The following BABAM2 variants were observed in gnomAD, a reference collection of about 807,000 sequenced individuals.
BABAM2 encodes BRISC and BRCA1 A complex member 2.
BABAM2 carries 31 observed loss-of-function variants against 54.7 expected under a neutral mutation model. That is an observed-to-expected ratio of 0.57 (90% CI 0.43 to 0.77). The LOEUF (loss-of-function observed/expected upper bound fraction) is 0.77, where lower values mean the gene tolerates loss of function less well. BABAM2 is among the 30% of genes least tolerant of loss of function. The pLI, the probability that BABAM2 is intolerant of heterozygous loss-of-function variation, is 0.00. For synonymous variants in BABAM2, 167 were observed against 162.9 expected (o/e 1.03, Z -0.19); for missense variants, 364 against 455.8 (o/e 0.80, Z 1.83).
intron 3 of BABAM2, among the ~76,000 whole-genome samples, chr2:27,939,388 GTC>G (rs1200119970): frequency 1.3e-5 from 2 of 152,122 alleles, no homozygotes; most frequent in Admixed American, 6.5e-5. Flanking sequence ...TAAATCTTTA[GTC>G]TCTAGCACAG....
chr2:28,010,578 T>C (rs1674316009), intron 4 of BABAM2, among the ~76,000 whole-genome samples: 1 of 152,142 alleles, frequency 6.6e-6, no homozygotes, highest in Admixed American at 6.5e-5. Flanking sequence ...ATAATGGTGT[T>C]GTGGTGTGTC....
At chr2:28,060,112 C>A (rs1206581445) in intron 6 of BABAM2, among the ~76,000 whole-genome samples, 1 of 152,030 alleles carries the variant, frequency 6.6e-6, no homozygotes, top group South Asian at 2.1e-4. Flanking sequence ...AAAATTTTAA[C>A]AAACTCAAAA....
chr2:28,046,964 C>T (rs1677629275), intron 6 of BABAM2, among the ~76,000 whole-genome samples: 1 of 151,942 alleles, frequency 6.6e-6, no homozygotes, highest in African/African-American at 2.4e-5. Flanking sequence ...GAAAGGGTCT[C>T]AGTGGTCCTC....
intron 6 of BABAM2, among the ~76,000 whole-genome samples, chr2:28,111,809 AG>A (rs1393462575): frequency 1.3e-5 from 2 of 152,194 alleles, no homozygotes; most frequent in African/African-American, 4.8e-5. Flanking sequence ...TTGGGTAGCA[AG>A]GCTCTAAATG....
chr2:28,273,729 A>C (rs1305396169), intron 10 of BABAM2, among the ~76,000 whole-genome samples: 1 of 152,156 alleles, frequency 6.6e-6, no homozygotes. Context: ...AAAAAAATAA[A>C]AAATAAAACA....
At chr2:28,164,545 A>G (rs1195189713) in intron 7 of BABAM2, among the ~76,000 whole-genome samples, 1 of 151,746 alleles carries the variant, frequency 6.6e-6, no homozygotes, top group Non-Finnish European at 1.5e-5. Context: ...TAAAAAAAAA[A>G]CTAAACTGTT....
At chr2:28,281,969 T>G (rs1686398425) in intron 10 of BABAM2, among the ~76,000 whole-genome samples, 1 of 152,132 alleles carries the variant, frequency 6.6e-6, no homozygotes, top group African/African-American at 2.4e-5. Context: ...TACTGACAGA[T>G]GAGACTTTCT....
In BABAM2 at chr2:28,289,485, T is replaced by A. The variant is rs549290439; in HGVS notation, c.935-8853T>A. Among the ~76,000 whole-genome samples the A allele has an allele frequency of 4.2e-4, 64 of 152,286 alleles. 1 individual carries two copies. The highest frequency in any genetic ancestry group is 1.5e-3 in the African/African-American group (63 of 41,560). On this transcript the variant is annotated intron_variant, in intron 10 of 11. Coordinates refer to ENST00000379624, the MANE Select transcript of BABAM2 (RefSeq NM_199191.3). ...TGCTGTAATTGCTTCTGAGTTTTTT[T>A]AAAAAGAAATAGCACATTGTCAGGC...
At chr2:27,924,912 A>G (rs1226479112) in intron 2 of BABAM2, among the ~76,000 whole-genome samples, 4 of 152,198 alleles carry the variant, frequency 2.6e-5, no homozygotes, top group African/African-American at 7.2e-5. Context: ...CATATCTTAA[A>G]TGATTTGCCC....
intron 4 of BABAM2, among the ~76,000 whole-genome samples, chr2:28,017,327 G>C (rs915729566): frequency 1.1e-4 from 16 of 147,152 alleles, no homozygotes; most frequent in African/African-American, 1.7e-4. Flanking sequence ...TGCTTGTTCA[G>C]TTCCAGTTTT....
intron 5 of BABAM2, among the ~76,000 whole-genome samples, chr2:28,039,779 T>C (rs1193092980): frequency 1.3e-5 from 2 of 152,254 alleles, no homozygotes; most frequent in South Asian, 4.1e-4. Flanking sequence ...ACTCAGAGTC[T>C]TGTTAGTTTA....
chr2:28,019,407 G>A (rs567166211), intron 4 of BABAM2, among the ~76,000 whole-genome samples: 10 of 151,988 alleles, frequency 6.6e-5, no homozygotes, highest in Non-Finnish European at 1.2e-4. Context: ...TTTGTCAGAT[G>A]TATAGATTGT....
At chr2:28,177,272 A>T (rs1675109461) in intron 7 of BABAM2, among the ~76,000 whole-genome samples, 1 of 152,116 alleles carries the variant, frequency 6.6e-6, no homozygotes, top group African/African-American at 2.4e-5. Context: ...AAGAAAAAAA[A>T]AAAACTGTTA....
chr2:28,172,761 A>T (rs572079702), intron 7 of BABAM2, among the ~76,000 whole-genome samples: 2 of 152,242 alleles, frequency 1.3e-5, no homozygotes, highest in African/African-American at 4.8e-5. Context: ...CCAGCAGAGC[A>T]TTCCAAATAT....
At chr2:27,999,003 G>T (rs1673378776) in intron 4 of BABAM2, among the ~76,000 whole-genome samples, 1 of 152,126 alleles carries the variant, frequency 6.6e-6, no homozygotes, top group African/African-American at 2.4e-5. Context: ...TTACAGTACA[G>T]TATATTATCA....
In BABAM2 at chr2:28,061,584, CA is replaced by C. The variant is rs397871191; in HGVS notation, c.570+15804del. Among the ~76,000 whole-genome samples, 397 of 54,072 alleles carry C rather than the reference CA, an allele frequency of 7.3e-3. 1 individual carries two copies. Among genetic ancestry groups the C allele is most frequent in the East Asian group, 0.016 (24 of 1,490 alleles). The allele number at this position is 54,072 out of a possible 152,430, so 35.5% of individuals were successfully genotyped here. A position where few individuals can be genotyped will look rare whatever the true frequency, so the allele number is the denominator to read the frequency against. ...TGAGCAACAGAGTGAGACTCTGTCT[CA>C]AAAAAAAAAAAAAAAAAAGAGAAAA... On this transcript the variant is annotated intron_variant, in intron 6 of 11. Transcript: ENST00000379624.
intron 7 of BABAM2, among the ~76,000 whole-genome samples, chr2:28,198,888 C>T (rs146040603): frequency 1.1e-3 from 171 of 152,248 alleles, no homozygotes; most frequent in South Asian, 8.3e-3. Context: ...GTTCTAGTGA[C>T]AACACCTCCC....
intron 11 of BABAM2, among the ~76,000 whole-genome samples, chr2:28,319,875 G>A (rs539248708): frequency 1.3e-5 from 2 of 152,344 alleles, no homozygotes; most frequent in African/African-American, 4.8e-5. Flanking sequence ...CAGAGGTCCA[G>A]AATAGACAGG....
chr2:27,987,002 A>G (rs1305619555), intron 3 of BABAM2, among the ~76,000 whole-genome samples: 1 of 152,180 alleles, frequency 6.6e-6, no homozygotes, highest in Non-Finnish European at 1.5e-5. Flanking sequence ...TGCTAATGAG[A>G]CTTTGTAAAT....
Sources: allele counts gnomAD v4.1 joint callset (sites outside exome capture counted in the v4.1 genomes callset), GRCh38; gene constraint gnomAD v4.1.1; transcripts MANE v1.5; gene names NCBI Gene and HGNC (gene_info 2026-07-23, HGNC 2026-07-21).